Variants in ZNF804B observed in about 807,000 individuals in gnomAD.
ZNF804B encodes the protein zinc finger 804B.
ZNF804B carries 80 observed loss-of-function variants against 101.4 expected under a neutral mutation model. The observed-to-expected ratio is 0.79, with a 90% confidence interval of 0.66 to 0.95. ZNF804B has a LOEUF of 0.95. Ranked by LOEUF, ZNF804B falls within the 40% of genes least tolerant of loss-of-function variation. The pLI is 0.00. For synonymous variants in ZNF804B, 622 were observed against 558.8 expected (o/e 1.11, Z -1.59); for missense variants, 1,673 against 1,561.9 (o/e 1.07, Z -1.20).
At chr7:89,241,906 T>G (rs113305028) in intron 2 of ZNF804B, among the ~76,000 whole-genome samples, 1 of 151,614 alleles carries the variant, frequency 6.6e-6, no homozygotes, top group Non-Finnish European at 1.5e-5. Flanking sequence ...TTTTTTTTTT[T>G]TCTCTTAAAG....
At chr7:89,163,995 C>G (rs925654576) in intron 1 of ZNF804B, among the ~76,000 whole-genome samples, 1 of 151,692 alleles carries the variant, frequency 6.6e-6, no homozygotes, top group Non-Finnish European at 1.5e-5. Context: ...ACCATTTTTA[C>G]ATTTTGTTAG....
intron 2 of ZNF804B, among the ~76,000 whole-genome samples, chr7:89,265,191 G>T (rs1280095174): frequency 6.6e-6 from 1 of 152,284 alleles, no homozygotes; most frequent in East Asian, 1.9e-4. Context: ...AATGGCAAGG[G>T]TGAAGAAAAG....
At chr7:89,045,223 A>G (rs1229575030) in intron 1 of ZNF804B, among the ~76,000 whole-genome samples, 1 of 152,094 alleles carries the variant, frequency 6.6e-6, no homozygotes, top group Non-Finnish European at 1.5e-5. Context: ...ATGTTTGGGA[A>G]CCTCCACCTA....
At chr7:88,816,562 A>C (rs1790881636) in intron 1 of ZNF804B, among the ~76,000 whole-genome samples, 1 of 151,654 alleles carries the variant, frequency 6.6e-6, no homozygotes, top group African/African-American at 2.4e-5. Flanking sequence ...CCCATCAACA[A>C]GTGGGCAAAG....
At chr7:89,128,589 C>G (rs2116376187) in intron 1 of ZNF804B, among the ~76,000 whole-genome samples, 1 of 151,962 alleles carries the variant, frequency 6.6e-6, no homozygotes, top group African/African-American at 2.4e-5. Context: ...GGTTGAACAT[C>G]TTTTTATGTT....
At chr7:89,227,964 C>A (rs1789121042) in intron 2 of ZNF804B, among the ~76,000 whole-genome samples, 1 of 152,138 alleles carries the variant, frequency 6.6e-6, no homozygotes, top group Non-Finnish European at 1.5e-5. Context: ...TGTTTTCTTT[C>A]AAAATCTGAA....
chr7:89,100,363 C>T (rs1430525858), intron 1 of ZNF804B, among the ~76,000 whole-genome samples: 1 of 152,106 alleles, frequency 6.6e-6, no homozygotes, highest in East Asian at 1.9e-4. Flanking sequence ...GAAACTACTA[C>T]AATAAATCAT....
intron 1 of ZNF804B, among the ~76,000 whole-genome samples, chr7:88,978,969 C>G (rs1793657218): frequency 6.6e-6 from 1 of 151,756 alleles, no homozygotes; most frequent in South Asian, 2.1e-4. Flanking sequence ...TACCATGAGA[C>G]TTGCAAGTAA....
At chr7:88,867,737 C>T (rs1791753161) in intron 1 of ZNF804B, among the ~76,000 whole-genome samples, 1 of 152,058 alleles carries the variant, frequency 6.6e-6, no homozygotes, top group Non-Finnish European at 1.5e-5. Flanking sequence ...AATAAAAAAG[C>T]ACATTTTATT....
intron 2 of ZNF804B, among the ~76,000 whole-genome samples, chr7:89,293,188 G>C (rs2115901865): frequency 6.6e-6 from 1 of 151,652 alleles, no homozygotes; most frequent in Non-Finnish European, 1.5e-5. Context: ...ACAGTATTTA[G>C]CCAACATGTT....
At chr7:88,817,200 G>GA (rs1172947181) in intron 1 of ZNF804B, among the ~76,000 whole-genome samples, 1 of 152,112 alleles carries the variant, frequency 6.6e-6, no homozygotes, top group Non-Finnish European at 1.5e-5. Flanking sequence ...ATGGACACAA[G>GA]AAGGGGAACA....
At chr7:88,854,427 CTTTCTTTCTTTCTTTCTTTCTTT>C (rs1562812638) in intron 1 of ZNF804B, among the ~76,000 whole-genome samples, 27 of 116,094 alleles carry the variant, frequency 2.3e-4, no homozygotes, top group African/African-American at 8.7e-4. Context: ...TTCTTTCTTT[CTTTCTTTCTTTCTTTCTTTCTTT>C]CTTTCTTTCT....
intron 1 of ZNF804B, among the ~76,000 whole-genome samples, chr7:88,976,426 G>A (rs1463908819): frequency 1.3e-5 from 2 of 151,212 alleles, no homozygotes; most frequent in East Asian, 3.9e-4. Flanking sequence ...TCAATTTCTT[G>A]CATCAATGTT....
chr7:88,776,714 C>G (rs1048019764), intron 1 of ZNF804B, among the ~76,000 whole-genome samples: 3 of 150,632 alleles, frequency 2.0e-5, no homozygotes, highest in Non-Finnish European at 4.4e-5. Context: ...AGCATCCAAC[C>G]TCATTACTGT....
intron 1 of ZNF804B, among the ~76,000 whole-genome samples, chr7:89,015,547 T>A (rs1028483249): frequency 6.6e-6 from 1 of 151,776 alleles, no homozygotes; most frequent in Admixed American, 6.6e-5. Context: ...CCATGTGTTC[T>A]CATTGTTCAA....
chr7:88,997,027 A>C (rs1788210371), intron 1 of ZNF804B, among the ~76,000 whole-genome samples: 2 of 152,224 alleles, frequency 1.3e-5, no homozygotes, highest in Middle Eastern at 6.8e-3. Context: ...GCATGTAAAA[A>C]TTGAATTACT....
intron 1 of ZNF804B, among the ~76,000 whole-genome samples, chr7:88,912,705 T>C (rs1584012687): frequency 1.3e-5 from 2 of 152,164 alleles, no homozygotes; most frequent in East Asian, 3.8e-4. Context: ...AATTTTCACA[T>C]AATAGCCTAT....
intron 1 of ZNF804B, among the ~76,000 whole-genome samples, chr7:89,179,409 A>T (rs1263201763): frequency 6.6e-6 from 1 of 152,188 alleles, no homozygotes. Flanking sequence ...GTTAAAAAAA[A>T]AATCTGCTAT....
intron 1 of ZNF804B, among the ~76,000 whole-genome samples, chr7:89,039,390 G>A (rs2116245745): frequency 6.6e-6 from 1 of 151,760 alleles, no homozygotes; most frequent in Non-Finnish European, 1.5e-5. Flanking sequence ...TTATTATTGT[G>A]TTTTAGTTTT....
Sources: gnomAD v4.1 joint callset for allele counts (sites outside exome capture counted in the v4.1 genomes callset) on GRCh38, gnomAD v4.1.1 for gene constraint, MANE v1.5 for transcripts, NCBI Gene and HGNC (gene_info 2026-07-23, HGNC 2026-07-21) for gene names.